Variants in OTUD5 observed in about 807,000 individuals in gnomAD.
OTUD5 encodes the protein OTU deubiquitinase 5.
In OTUD5, 2 loss-of-function variants were observed where a neutral mutation model predicts 36.3. That is an observed-to-expected ratio of 0.06 (90% CI 0.02 to 0.17). The LOEUF (loss-of-function observed/expected upper bound fraction) is 0.17, where lower values mean the gene tolerates loss of function less well. OTUD5 is among the 10% of genes least tolerant of loss of function. The pLI is 1.00. For missense variants in OTUD5, 233 were observed against 512.3 expected (o/e 0.45, Z 5.26); for synonymous variants, 234 against 214.9 (o/e 1.09, Z -0.78).
chrX:48,930,725 G>A lies in OTUD5; in HGVS notation c.1059+3739C>T, dbSNP rs377272749. 9.0e-5 allele frequency among the ~76,000 whole-genome samples: 10 copies of A among 111,444 alleles called. No homozygotes were observed. In the East Asian group the frequency reaches 2.2e-3, roughly 25 times the overall value. On this transcript the variant is annotated intron_variant, in intron 5 of 8. Transcript: ENST00000376488. ...TGTAATCCCTGCACTTTGGGAGACC[G>A]AGGAGGGTGGATCACCTGAGGTCAG...
intron 2 of OTUD5, among the ~76,000 whole-genome samples, chrX:48,943,261 T>C (rs1259799679): frequency 8.9e-6 from 1 of 111,752 alleles, no homozygotes; most frequent in Non-Finnish European, 1.9e-5. Context: ...CAACTACTTG[T>C]TGGGTCACAG....
At chrX:48,925,420 A>C (rs1443158070) in intron 6 of OTUD5, among the ~76,000 whole-genome samples, 1 of 110,987 alleles carries the variant, frequency 9.0e-6, no homozygotes, top group African/African-American at 3.3e-5. Flanking sequence ...TCCTCTGTGA[A>C]GACTAACCGG....
At chrX:48,949,750 G>A (rs1263864574) in intron 1 of OTUD5, among the ~76,000 whole-genome samples, 1 of 111,359 alleles carries the variant, frequency 9.0e-6, no homozygotes, top group Non-Finnish European at 1.9e-5. Flanking sequence ...CTACTCAGGA[G>A]GCTGAGGCTG....
At chrX:48,946,171 A>G (rs1231086282) in intron 1 of OTUD5, among the ~76,000 whole-genome samples, 1 of 112,257 alleles carries the variant, frequency 8.9e-6, no homozygotes, top group East Asian at 2.8e-4. Flanking sequence ...TCTCTGGCAA[A>G]GTTGTAAGCA....
chrX:48,935,826 C>T (rs1221101363), intron 2 of OTUD5, among the ~76,000 whole-genome samples: 2 of 107,082 alleles, frequency 1.9e-5, no homozygotes, highest in Non-Finnish European at 3.8e-5. Flanking sequence ...ATAATCCCAG[C>T]TACTTGGGAG....
intron 1 of OTUD5, among the ~76,000 whole-genome samples, chrX:48,949,496 G>T (rs182175860): frequency 9.0e-6 from 1 of 110,679 alleles, no homozygotes; most frequent in Non-Finnish European, 1.9e-5. Context: ...TGGCCAACAT[G>T]GTGAAACCCT....
At chrX:48,947,668 A>G in intron 1 of OTUD5, among the ~76,000 whole-genome samples, 1 of 106,239 alleles carries the variant, frequency 9.4e-6, no homozygotes, top group East Asian at 2.9e-4. Flanking sequence ...GCACCATTGC[A>G]CTCCAGCCTG....
At chrX:48,946,249 ACT>A (rs1230994102) in intron 1 of OTUD5, among the ~76,000 whole-genome samples, 1 of 111,679 alleles carries the variant, frequency 9.0e-6, no homozygotes, top group Non-Finnish European at 1.9e-5. Flanking sequence ...GTCTGTTATC[ACT>A]CTCAGTTTCC....
At chrX:48,957,765 G>T, upstream of OTUD5, 3 of 795,503 alleles carry the variant, frequency 3.8e-6, no homozygotes, top group African/African-American at 2.3e-5. Flanking sequence ...CGGCGCGCGG[G>T]TCACGCCGAG....
chrX:48,956,552 C>T (rs1216686691), intron 1 of OTUD5, among the ~76,000 whole-genome samples: 4 of 111,446 alleles, frequency 3.6e-5, no homozygotes, highest in African/African-American at 9.8e-5. Context: ...TTTGACTTTC[C>T]TGGAAGGGGA....
intron 5 of OTUD5, among the ~76,000 whole-genome samples, chrX:48,928,565 C>T (rs915372681): frequency 9.0e-6 from 1 of 111,042 alleles, no homozygotes; most frequent in Non-Finnish European, 1.9e-5. Flanking sequence ...GGTGGCTCAC[C>T]CCTGCAATAC....
chrX:48,957,073 G>C lies in OTUD5; in HGVS notation c.498C>G (p.Pro166=), dbSNP rs782378215. The change falls in exon 1 of 9, where the codon CCC becomes CCG. Residue 166 remains proline (P), a synonymous_variant. Coordinates refer to ENST00000376488, the MANE Select transcript of OTUD5 (RefSeq NM_001136157.2). ...PGVGAVGGGS[P]EREEVGAGYN... is the part of the protein sequence containing the mutation. The stretch of plus-strand genomic sequence containing the variant: ...AGCCTGCGCCGACCTCCTCACGCTC[G>C]GGACTGCCCCCGCCAACCGCGCCAA... 294 of 1,184,618 alleles carry C rather than the reference G, an allele frequency of 2.5e-4. No individual in the cohort carries two copies. The highest frequency in any genetic ancestry group is 2.8e-4 in the Non-Finnish European group (245 of 884,134).
chrX:48,932,879 G>A lies in OTUD5; in HGVS notation c.1059+1585C>T, dbSNP rs782153715. 1.4e-4 allele frequency among the ~76,000 whole-genome samples: 15 copies of A among 111,034 alleles called. No homozygotes were observed. The East Asian group carries it at 3.7e-3, about 27-fold the overall frequency. On this transcript the variant is annotated intron_variant, in intron 5 of 8. Coordinates refer to ENST00000376488, the MANE Select transcript of OTUD5 (RefSeq NM_001136157.2). ...CCTGTAGTCTCCCAGCTACTCGGGA[G>A]GCTGAGGTGAGAGGCTTGCTTGAGC...
Position 48,957,457 on chromosome X carries a change from C to G in OTUD5, c.114G>C (p.Val38=), listed in dbSNP as rs1241762730. The change falls in exon 1 of 9, where the codon GTG becomes GTC. Residue 38 remains valine, a synonymous_variant. Coordinates refer to ENST00000376488, the MANE Select transcript of OTUD5 (RefSeq NM_001136157.2). The stretch of plus-strand genomic sequence containing the variant: ...CGCCCACGCCCGTGCCGCCGCCGCC[C>G]ACGCCCACACCTCCGCCGCGCCGCG... The part of the protein sequence containing the change: ...PAPRRGGGVG[V]GGGGTGVGGG... 8.4e-6 allele frequency: 8 copies of G among 953,864 alleles called. No individual in the cohort carries two copies. The highest frequency in any genetic ancestry group is 1.0e-5 in the Non-Finnish European group (8 of 763,078). The allele number at this position is 953,864 out of a possible 1,213,427, so 78.6% of individuals were successfully genotyped here.
At position 48,951,415 on chromosome X, in the gene OTUD5, T is replaced by C. The variant is rs374614283; in HGVS notation, c.594+5562A>G. 7.9e-4 allele frequency among the ~76,000 whole-genome samples: 87 copies of C among 110,437 alleles called. 1 individual carries two copies. The highest frequency in any genetic ancestry group is 2.7e-3 in the Admixed American group (28 of 10,479). ...GGATCACGAAGTCAGGAGATCGAGA[T>C]CATCCTGGCTAACACAGTGAATCCC... On this transcript the variant is annotated intron_variant, in intron 1 of 8. Coordinates refer to ENST00000376488, the MANE Select transcript of OTUD5 (RefSeq NM_001136157.2).
intron 2 of OTUD5, among the ~76,000 whole-genome samples, chrX:48,937,709 C>A (rs782705043): frequency 8.9e-6 from 1 of 112,726 alleles, no homozygotes; most frequent in African/African-American, 3.2e-5. Flanking sequence ...AGTAACTCCT[C>A]TTCCATCTGC....
rs1174803512 is a variant in OTUD5, at chrX:48,950,511, T to C, written c.595-6228A>G. On this transcript the variant is annotated intron_variant, in intron 1 of 8. Transcript: ENST00000376488. ...GATTGTGGACTTCTGGCCTCCAGAA[T>C]TGTGACAGAATAAACTTCTCTCTCT... 2.8e-5 allele frequency among the ~76,000 whole-genome samples: 3 copies of C among 108,928 alleles called. No individual in the cohort carries two copies. In the Admixed American group the frequency reaches 2.9e-4, roughly 11 times the overall value. The allele number at this position is 108,928 out of a possible 115,157, so 94.6% of individuals were successfully genotyped here.
intron 1 of OTUD5, among the ~76,000 whole-genome samples, chrX:48,953,169 A>G (rs954932088): frequency 1.1e-4 from 12 of 111,789 alleles, no homozygotes; most frequent in African/African-American, 3.9e-4. Flanking sequence ...TCCAAAGCCC[A>G]AACTCCACAC....
intron 1 of OTUD5, among the ~76,000 whole-genome samples, chrX:48,946,328 T>C (rs1263804553): frequency 2.7e-5 from 3 of 111,627 alleles, no homozygotes; most frequent in African/African-American, 9.8e-5. Flanking sequence ...TAAAGAAGCT[T>C]TGTAAATAAC....
Sources: gnomAD v4.1 joint callset for allele counts (sites outside exome capture counted in the v4.1 genomes callset) on GRCh38, gnomAD v4.1.1 for gene constraint, MANE v1.5 for transcripts, NCBI Gene and HGNC (gene_info 2026-07-23, HGNC 2026-07-21) for gene names.